Variants in DMD observed in about 807,000 individuals in gnomAD.
DMD encodes mutant dystrophin.
In DMD, 63 loss-of-function variants were observed where a neutral mutation model predicts 330.1. The observed-to-expected ratio is 0.19, with a 90% CI of 0.16 to 0.24. The LOEUF is 0.24. Among genes scored for constraint, DMD ranks in the 10% least tolerant of loss-of-function variants. The pLI is 1.00. For synonymous variants in DMD, 1,223 were observed against 959.8 expected, an observed-to-expected ratio of 1.27 and a Z score of -5.07; for missense variants, 3,344 against 2,684.1, an observed-to-expected ratio of 1.25 and a Z score of -5.43.
chrX:31,249,894 AT>A (rs1248709233), intron 63 of DMD, among the ~76,000 whole-genome samples: 1 of 111,702 alleles, frequency 9.0e-6, no homozygotes, highest in East Asian at 2.8e-4. Context: ...TACATCAGAC[AT>A]TCTGTTACCT....
chrX:31,774,507 T>C (rs1165405710), intron 50 of DMD, among the ~76,000 whole-genome samples: 1 of 111,858 alleles, frequency 8.9e-6, no homozygotes, highest in Non-Finnish European at 1.9e-5. Context: ...GTAACAATCA[T>C]ATACATTGTG....
intron 44 of DMD, among the ~76,000 whole-genome samples, chrX:32,100,962 G>A (rs752432701): frequency 1.8e-5 from 2 of 111,351 alleles, no homozygotes; most frequent in African/African-American, 6.5e-5. Flanking sequence ...GTTTCTCGAG[G>A]CAAATATTTA....
chrX:31,583,533 C>T (rs1463997418), intron 55 of DMD, among the ~76,000 whole-genome samples: 2 of 110,693 alleles, frequency 1.8e-5, no homozygotes, highest in Non-Finnish European at 3.8e-5. Context: ...TTGCCTGGCA[C>T]GGTAGGAGTA....
chrX:32,071,950 G>A (rs920178137), intron 44 of DMD, among the ~76,000 whole-genome samples: 1 of 111,424 alleles, frequency 9.0e-6, no homozygotes, highest in African/African-American at 3.3e-5. Context: ...TAATTGCTCT[G>A]GAATTGATTT....
At chrX:32,485,989 C>T (rs1458325131) in intron 20 of DMD, among the ~76,000 whole-genome samples, 1 of 109,988 alleles carries the variant, frequency 9.1e-6, no homozygotes, top group African/African-American at 3.3e-5. Context: ...GATCCACCCA[C>T]CTTGGCCTCC....
intron 47 of DMD, among the ~76,000 whole-genome samples, chrX:31,923,195 T>C (rs1260601594): frequency 8.9e-6 from 1 of 111,970 alleles, no homozygotes; most frequent in Non-Finnish European, 1.9e-5. Context: ...ATAAACCTCA[T>C]GTCAGTGTGA....
At chrX:31,247,690 T>C (rs1385114340) in intron 63 of DMD, among the ~76,000 whole-genome samples, 1 of 110,926 alleles carries the variant, frequency 9.0e-6, no homozygotes, top group Non-Finnish European at 1.9e-5. Flanking sequence ...AATATCAACA[T>C]TACCAGGAGT....
chrX:32,424,839 G>A (rs185448257), intron 29 of DMD, among the ~76,000 whole-genome samples: 1 of 110,061 alleles, frequency 9.1e-6, no homozygotes, highest in Admixed American at 9.7e-5. Context: ...ACATACTGGC[G>A]GTAACCAGAT....
intron 67 of DMD, among the ~76,000 whole-genome samples, chrX:31,190,631 G>A (rs2042248297): frequency 1.4e-5 from 1 of 71,888 alleles, no homozygotes; most frequent in Non-Finnish European, 2.6e-5. Context: ...GCGGGGAGGG[G>A]GTGCTACTAG....
intron 55 of DMD, among the ~76,000 whole-genome samples, chrX:31,511,680 T>A (rs1363462693): frequency 9.1e-6 from 1 of 109,424 alleles, no homozygotes; most frequent in Non-Finnish European, 1.9e-5. Context: ...TTTTTATGGC[T>A]GCATAGTATT....
intron 2 of DMD, among the ~76,000 whole-genome samples, chrX:32,931,363 G>T (rs984950591): frequency 9.0e-6 from 1 of 111,421 alleles, no homozygotes. Flanking sequence ...ACTGTCGATA[G>T]TTGCGTTATT....
intron 1 of DMD, among the ~76,000 whole-genome samples, chrX:33,115,182 T>C (rs1454581129): frequency 8.9e-6 from 1 of 111,837 alleles, no homozygotes; most frequent in Non-Finnish European, 1.9e-5. Flanking sequence ...CTTACAAACA[T>C]AACCAGATTA....
At chrX:31,290,384 C>T (rs1239833400) in intron 62 of DMD, among the ~76,000 whole-genome samples, 7 of 111,145 alleles carry the variant, frequency 6.3e-5, no homozygotes, top group Non-Finnish European at 1.1e-4. Context: ...ATATTGACTC[C>T]CTAAATATGT....
Position 32,364,563 on chromosome X carries a change from T to C in DMD, c.5154+19A>G. 1 of 1,209,515 alleles carries C rather than the reference T, an allele frequency of 8.3e-7. No individual in the cohort carries two copies. Among genetic ancestry groups the C allele is most frequent in the Non-Finnish European group, 1.1e-6 (1 of 893,764 alleles). ...CTGGTGTACAATTTGGACATTACTT[T>C]TCATATTTTATTTGCTACCTTAAGC... is the stretch of plus-strand genomic sequence containing the variant. On this transcript the variant is annotated intron_variant, in intron 36 of 78. Transcript: ENST00000357033.
chrX:33,328,487 C>T (rs764705100), intron 1 of DMD, among the ~76,000 whole-genome samples: 25 of 111,455 alleles, frequency 2.2e-4, no homozygotes, highest in African/African-American at 4.9e-4. Flanking sequence ...TGAGCCACCA[C>T]GCCCGGCCCA....
chrX:32,849,001 A>C (rs897249705), intron 3 of DMD, among the ~76,000 whole-genome samples: 14 of 111,190 alleles, frequency 1.3e-4, no homozygotes, highest in African/African-American at 4.6e-4. Flanking sequence ...CTGTGTGTGT[A>C]TGTGCATGTG....
intron 7 of DMD, among the ~76,000 whole-genome samples, chrX:32,735,163 C>T (rs1400170890): frequency 9.3e-6 from 1 of 107,990 alleles, no homozygotes; most frequent in African/African-American, 3.5e-5. Flanking sequence ...CTCCCATTCA[C>T]AATTGCTTCA....
chrX:31,413,851 T>G (rs1469804747), intron 60 of DMD, among the ~76,000 whole-genome samples: 1 of 105,054 alleles, frequency 9.5e-6, no homozygotes, highest in East Asian at 2.9e-4. Context: ...AAAAGCCAGT[T>G]AAGTTGGCAA....
chrX:32,191,728 C>T (rs1186474010), intron 44 of DMD, among the ~76,000 whole-genome samples: 2 of 111,834 alleles, frequency 1.8e-5, no homozygotes, highest in Admixed American at 9.6e-5. Flanking sequence ...CTCCTATATA[C>T]TTTAAAACAT....
Sources: allele counts gnomAD v4.1 joint callset (sites outside exome capture counted in the v4.1 genomes callset), GRCh38; gene constraint gnomAD v4.1.1; transcripts MANE v1.5; gene names NCBI Gene and HGNC (gene_info 2026-07-23, HGNC 2026-07-21).